Variants in TAF2 observed in about 807,000 individuals in gnomAD.
The protein encoded by TAF2 is transcription initiation factor TFIID subunit 2.
In TAF2, 61 loss-of-function variants were observed where a neutral mutation model predicts 138.5. The observed-to-expected ratio is 0.44, with a 90% CI of 0.36 to 0.54. The LOEUF is 0.54. Ranked by LOEUF, TAF2 falls within the 20% of genes least tolerant of loss-of-function variation. The pLI, the probability that TAF2 is intolerant of heterozygous loss-of-function variation, is 0.00. For missense variants in TAF2, 1,090 were observed against 1,427.9 expected, an observed-to-expected ratio of 0.76 and a Z score of 3.81; for synonymous variants, 475 against 469.9, an observed-to-expected ratio of 1.01 and a Z score of -0.14.
At chr8:119,815,297 G>C (rs1360210810) in intron 3 of TAF2, among the ~76,000 whole-genome samples, 3 of 150,398 alleles carry the variant, frequency 2.0e-5, no homozygotes, top group Non-Finnish European at 4.4e-5. Context: ...TTTTTTGAGA[G>C]GGAGTCTCAC....
chr8:119,797,084 C>A lies in TAF2; in HGVS notation c.997G>T (p.Ala333Ser), dbSNP rs781471820. The A allele has an allele frequency of 6.2e-7, 1 of 1,612,488 alleles. No homozygotes were observed. Among genetic ancestry groups the A allele is most frequent in the African/African-American group, 1.3e-5 (1 of 74,840 alleles). ...SIFSTNLLHSAMIIDETPLTR... is the reference protein window; with the variant it reads ...SIFSTNLLHSSMIIDETPLTR... ...AAAGGTGTCTCATCTATAATCATGG[C>A]ACTGTGTAAAAGATTTGTGCTGGAA... Residue 333 changes from alanine (A) to serine (S), a missense_variant, in exon 8 of 26, where the codon GCC becomes TCC. Physicochemically the swap from Ala to Ser is moderately conservative, Grantham distance 99. This residue lies in a region of TAF2 where 504 missense variants were observed against 680.9 expected (regional missense o/e 0.74). Transcript: ENST00000378164.
chr8:119,817,990 G>A (rs971784547), intron 3 of TAF2, among the ~76,000 whole-genome samples: 1 of 152,234 alleles, frequency 6.6e-6, no homozygotes, highest in African/African-American at 2.4e-5. Context: ...TCACCTTTGT[G>A]AAATGGAAAG....
chr8:119,748,924 A>C (rs1229571057), intron 22 of TAF2, among the ~76,000 whole-genome samples: 1 of 137,064 alleles, frequency 7.3e-6, no homozygotes. Flanking sequence ...AGTTAAAAAA[A>C]AAAAAACAAA....
chr8:119,784,395 C>T (rs1374830103), intron 15 of TAF2, among the ~76,000 whole-genome samples: 1 of 151,818 alleles, frequency 6.6e-6, no homozygotes, highest in Non-Finnish European at 1.5e-5. Flanking sequence ...TCTCTACTAA[C>T]AATACAAAAA....
chr8:119,746,218 A>T (rs1819955323), intron 23 of TAF2, among the ~76,000 whole-genome samples: 1 of 151,770 alleles, frequency 6.6e-6, no homozygotes, highest in African/African-American at 2.4e-5. Flanking sequence ...CTAAAAATAC[A>T]AAAAATTAGC....
At chr8:119,760,838 A>G (rs1821014538) in intron 19 of TAF2, 100 bp from the exon 20 acceptor site, 1 of 1,505,530 alleles carries the variant, frequency 6.6e-7, no homozygotes, top group African/African-American at 1.4e-5. Context: ...TCAATTTAAA[A>G]ACTGATGTGA....
chr8:119,803,232 T>C (rs1354139264), intron 5 of TAF2, among the ~76,000 whole-genome samples: 2 of 152,222 alleles, frequency 1.3e-5, no homozygotes, highest in African/African-American at 2.4e-5. Flanking sequence ...AGATGTAAAT[T>C]ATGTAGGCTT....
chr8:119,746,930 A>G lies in TAF2; in HGVS notation c.2883T>C (p.Thr961=). ...DQLWKLMNSG[T]SHDWRLRCGA... is the part of the protein sequence containing the mutation. Reference sequence around the variant, plus strand: ...CACACCGTAACCTCCAGTCATGTGAAGTACCTAAAAAGTAAGTAATAAAGA... The same window carrying G: ...CACACCGTAACCTCCAGTCATGTGAGGTACCTAAAAAGTAAGTAATAAAGA... Residue 961 remains threonine (T), a synonymous_variant, in exon 23 of 26, where the codon ACT becomes ACC. Transcript: ENST00000378164. The G allele has an allele frequency of 6.2e-7, 1 of 1,614,122 alleles. No individual in the cohort carries two copies. Among genetic ancestry groups the G allele is most frequent in the Non-Finnish European group, 8.5e-7 (1 of 1,179,994 alleles).
intron 3 of TAF2, among the ~76,000 whole-genome samples, chr8:119,812,022 C>CTCAGAAGA (rs1825106269): frequency 5.9e-5 from 9 of 151,940 alleles, no homozygotes; most frequent in Admixed American, 5.3e-4. Context: ...ACAACAGCTG[C>CTCAGAAGA]TCAGAAGACT....
chr8:119,793,747 A>G (rs561880134), intron 9 of TAF2, among the ~76,000 whole-genome samples: 2 of 152,144 alleles, frequency 1.3e-5, no homozygotes, highest in South Asian at 4.1e-4. Context: ...CTCCAAGTTT[A>G]TTTTTCCTTC....
chr8:119,787,618 G>C (rs1000399090), intron 14 of TAF2, among the ~76,000 whole-genome samples: 4 of 152,180 alleles, frequency 2.6e-5, no homozygotes, highest in African/African-American at 9.7e-5. Context: ...TGGAGAAATA[G>C]GAATGCTTTT....
chr8:119,744,433 T>C, intron 23 of TAF2, 40 bp from the exon 24 acceptor site: 2 of 1,541,042 alleles, frequency 1.3e-6, no homozygotes, highest in Non-Finnish European at 1.8e-6. Context: ...AAAAGAACCA[T>C]TACATCATGT....
intron 25 of TAF2, among the ~76,000 whole-genome samples, chr8:119,737,633 C>T (rs184634909): frequency 2.0e-5 from 3 of 151,654 alleles, no homozygotes; most frequent in Admixed American, 1.3e-4. Context: ...CTCAGCCTCC[C>T]GAGTAGCTAG....
intron 19 of TAF2, among the ~76,000 whole-genome samples, 155 bp downstream of exon 19, chr8:119,762,260 C>T (rs953515345): frequency 6.6e-6 from 1 of 152,086 alleles, no homozygotes; most frequent in Non-Finnish European, 1.5e-5. Context: ...AGGACATTCT[C>T]CAAATACTAA....
In TAF2 at chr8:119,800,521, G is replaced by A. The variant is rs1426711896; in HGVS notation, c.792+1273C>T. 5.3e-5 allele frequency among the ~76,000 whole-genome samples: 8 copies of A among 152,166 alleles called. No homozygotes were observed. The East Asian group carries it at 5.8e-4, about 11-fold the overall frequency. Reference sequence around the variant, plus strand: ...GGTCTATATCTCTGTTTTGGTACCAGTACCATGCTGTTTTGGTTACTGTAG... The same window carrying A: ...GGTCTATATCTCTGTTTTGGTACCAATACCATGCTGTTTTGGTTACTGTAG... On this transcript the variant is annotated intron_variant, in intron 6 of 25. Coordinates refer to ENST00000378164, the MANE Select transcript of TAF2 (RefSeq NM_003184.4).
At chr8:119,803,093 A>G (rs1824375437) in intron 5 of TAF2, among the ~76,000 whole-genome samples, 1 of 152,154 alleles carries the variant, frequency 6.6e-6, no homozygotes, top group South Asian at 2.1e-4. Context: ...CCTGGACAAC[A>G]GAGTGAGACT....
At chr8:119,799,366 C>G (rs945550168) in intron 6 of TAF2, among the ~76,000 whole-genome samples, 1 of 149,054 alleles carries the variant, frequency 6.7e-6, no homozygotes. Flanking sequence ...TCCAAGTGTT[C>G]TCATTGTTCA....
intron 18 of TAF2, among the ~76,000 whole-genome samples, chr8:119,772,285 C>A (rs1407414201): frequency 6.6e-6 from 1 of 152,106 alleles, no homozygotes; most frequent in Non-Finnish European, 1.5e-5. Flanking sequence ...CAAAAAAGAA[C>A]AAAATAGTCT....
At chr8:119,791,656 A>C in intron 10 of TAF2, 197 bp from the exon 11 acceptor site, 5 of 545,766 alleles carry the variant, frequency 9.2e-6, no homozygotes, top group Non-Finnish European at 1.6e-5. Context: ...ATAAAGGAAA[A>C]TCTGAATAAA....
Sources: gnomAD v4.1 joint callset for allele counts (sites outside exome capture counted in the v4.1 genomes callset) on GRCh38, gnomAD v4.1.1 for gene constraint, gnomAD v4.1.1 regional missense constraint, MANE v1.5 for transcripts, NCBI Gene and HGNC (gene_info 2026-07-23, HGNC 2026-07-21) for gene names.